GPC5: variants seen among roughly 807,000 people sequenced by gnomAD.
GPC5 encodes the protein glypican-5.
A neutral mutation model predicts 53.9 loss-of-function variants in GPC5; 47 were observed. The ratio of observed to expected loss-of-function variants is 0.87; its 90% confidence interval spans 0.69 to 1.11. GPC5 has a LOEUF of 1.11. Ranked by LOEUF, GPC5 falls within the 50% of genes most tolerant of loss-of-function variation. GPC5 has a pLI of 0.00. For synonymous variants in GPC5, 286 were observed against 263.3 expected, an observed-to-expected ratio of 1.09 and a Z score of -0.84; for missense variants, 748 against 713.1, an observed-to-expected ratio of 1.05 and a Z score of -0.56.
At chr13:92,245,857 T>C (rs2042646485) in intron 7 of GPC5, among the ~76,000 whole-genome samples, 1 of 152,174 alleles carries the variant, frequency 6.6e-6, no homozygotes, top group African/African-American at 2.4e-5. Flanking sequence ...TAACATCTTT[T>C]TGTGGAATAT....
At chr13:91,869,778 CTT>C (rs886958961) in intron 5 of GPC5, among the ~76,000 whole-genome samples, 4 of 152,094 alleles carry the variant, frequency 2.6e-5, no homozygotes, top group Admixed American at 6.6e-5. Context: ...CCTCAGGAAA[CTT>C]ATAATTGTAG....
At chr13:91,840,023 A>C (rs1451136252) in intron 5 of GPC5, among the ~76,000 whole-genome samples, 2 of 152,156 alleles carry the variant, frequency 1.3e-5, no homozygotes, top group Non-Finnish European at 2.9e-5. Context: ...CTACATATAC[A>C]TTCCTTTTTG....
intron 7 of GPC5, among the ~76,000 whole-genome samples, chr13:92,739,148 A>T (rs1176424223): frequency 6.6e-6 from 1 of 152,080 alleles, no homozygotes; most frequent in Non-Finnish European, 1.5e-5. Flanking sequence ...TGTCTTTCTT[A>T]TTTATATATA....
At chr13:92,744,810 T>C (rs1889201139) in intron 7 of GPC5, among the ~76,000 whole-genome samples, 1 of 152,028 alleles carries the variant, frequency 6.6e-6, no homozygotes, top group Non-Finnish European at 1.5e-5. Flanking sequence ...GATGAAAATA[T>C]AGTGTAAGTT....
chr13:92,492,063 G>A (rs528853494), intron 7 of GPC5, among the ~76,000 whole-genome samples: 2 of 152,148 alleles, frequency 1.3e-5, no homozygotes, highest in East Asian at 3.9e-4. Context: ...TTTGCATGCT[G>A]TGATCTGGAC....
At chr13:91,657,634 G>T (rs2139594926) in intron 2 of GPC5, among the ~76,000 whole-genome samples, 1 of 152,160 alleles carries the variant, frequency 6.6e-6, no homozygotes, top group Non-Finnish European at 1.5e-5. Flanking sequence ...AGACATTTTG[G>T]TAGAGAAGTG....
At chr13:92,501,651 C>A (rs1566618113) in intron 7 of GPC5, among the ~76,000 whole-genome samples, 1 of 151,884 alleles carries the variant, frequency 6.6e-6, no homozygotes. Context: ...ACAGCATAAT[C>A]CAAGAAAACA....
intron 2 of GPC5, among the ~76,000 whole-genome samples, chr13:91,678,078 T>C (rs929999673): frequency 3.9e-5 from 6 of 152,182 alleles, no homozygotes; most frequent in African/African-American, 1.4e-4. Context: ...TCTAAAAGAA[T>C]TGCCTACCTT....
chr13:92,769,161 G>A (rs1875519949), intron 7 of GPC5, among the ~76,000 whole-genome samples: 2 of 152,120 alleles, frequency 1.3e-5, no homozygotes, highest in Non-Finnish European at 2.9e-5. Context: ...TGTGAATATT[G>A]TATTAATTGC....
rs1231733666 is a variant in GPC5 at position 91,441,248 on chromosome 13, G to GT, written c.164-7507dup. On this transcript the variant is annotated intron_variant, in intron 1 of 7. Transcript: ENST00000377067. ...CCATACTGCAAGTCAGACCCTTTTT[G>GT]TTTTTTGGACATGTAAGGTTTATTT... 4.6e-5 allele frequency among the ~76,000 whole-genome samples: 7 copies of GT among 152,092 alleles called. No homozygotes were observed. The East Asian group carries it at 1.2e-3, about 25-fold the overall frequency.
intron 5 of GPC5, among the ~76,000 whole-genome samples, chr13:91,793,908 C>T (rs2038007851): frequency 1.3e-5 from 2 of 152,192 alleles, no homozygotes; most frequent in South Asian, 4.1e-4. Context: ...CCTCCCTCAA[C>T]ATGTTGGGAT....
chr13:91,907,800 A>G (rs1183319870), intron 5 of GPC5, 137 bp from the exon 6 acceptor site: 3 of 746,868 alleles, frequency 4.0e-6, no homozygotes, highest in Non-Finnish European at 4.2e-6. Flanking sequence ...CAGCTGTGCC[A>G]GTTTCTGTTC....
rs112162721 is a variant in GPC5, at chr13:92,404,297, G to A, written c.1561+259308G>A. ...GTTGAAGATAAATGTGTTGCTGAGA[G>A]CATGGACATTGTTAGTCATGTTGAC... On this transcript the variant is annotated intron_variant, in intron 7 of 7. Transcript: ENST00000377067. Among the ~76,000 whole-genome samples the A allele has an allele frequency of 3.8e-3, 585 of 152,242 alleles. 6 individuals are homozygous for A. The highest frequency in any genetic ancestry group is 0.014 in the African/African-American group (566 of 41,546).
At chr13:91,987,708 T>C (rs940030443) in intron 6 of GPC5, among the ~76,000 whole-genome samples, 3 of 148,576 alleles carry the variant, frequency 2.0e-5, no homozygotes, top group East Asian at 3.9e-4. Context: ...ACTTAGCCAC[T>C]CTCTAGATTT....
intron 6 of GPC5, among the ~76,000 whole-genome samples, chr13:92,010,096 A>G (rs1460881559): frequency 1.3e-5 from 2 of 152,200 alleles, no homozygotes; most frequent in East Asian, 1.9e-4. Flanking sequence ...TTCCTCAGGT[A>G]TTTCTAAAAT....
intron 2 of GPC5, among the ~76,000 whole-genome samples, chr13:91,515,484 C>T (rs111855719): frequency 6.6e-6 from 1 of 152,262 alleles, no homozygotes; most frequent in Non-Finnish European, 1.5e-5. Flanking sequence ...CTTCATTTTA[C>T]ATAAAAGGCT....
intron 6 of GPC5, among the ~76,000 whole-genome samples, chr13:91,943,563 A>G (rs1337267693): frequency 2.0e-5 from 3 of 152,202 alleles, no homozygotes; most frequent in African/African-American, 4.8e-5. Flanking sequence ...ATGACATTTC[A>G]TCAATCAACT....
At chr13:92,069,600 ACTAC>A (rs2041194864) in intron 6 of GPC5, among the ~76,000 whole-genome samples, 1 of 152,174 alleles carries the variant, frequency 6.6e-6, no homozygotes, top group African/African-American at 2.4e-5. Flanking sequence ...AAAAGGTGGT[ACTAC>A]TATTGAACAT....
intron 6 of GPC5, among the ~76,000 whole-genome samples, chr13:91,940,108 T>C (rs919445208): frequency 6.6e-6 from 1 of 152,148 alleles, no homozygotes; most frequent in African/African-American, 2.4e-5. Context: ...AACCCAGTTG[T>C]CTTCCTTCTT....
Sources: gnomAD v4.1 joint callset for allele counts (sites outside exome capture counted in the v4.1 genomes callset) on GRCh38, gnomAD v4.1.1 for gene constraint, MANE v1.5 for transcripts, NCBI Gene and HGNC (gene_info 2026-07-23, HGNC 2026-07-21) for gene names.